Variants in IL1RAPL2 observed in about 807,000 individuals in gnomAD.
IL1RAPL2 encodes the protein interleukin 1 receptor accessory protein like 2, also known as X-linked interleukin-1 receptor accessory protein-like 2.
In IL1RAPL2, 3 loss-of-function variants were observed where a neutral mutation model predicts 44.1. The ratio of observed to expected loss-of-function variants is 0.07; its 90% CI spans 0.03 to 0.18. IL1RAPL2 has a LOEUF of 0.18. Ranked by LOEUF, IL1RAPL2 falls within the 10% of genes least tolerant of loss-of-function variation. The pLI, the probability that IL1RAPL2 is intolerant of heterozygous loss-of-function variation, is 1.00. For missense variants in IL1RAPL2, 391 were observed against 496.4 expected, an observed-to-expected ratio of 0.79 and a Z score of 2.02; for synonymous variants, 181 against 178.8, an observed-to-expected ratio of 1.01 and a Z score of -0.10.
intron 2 of IL1RAPL2, among the ~76,000 whole-genome samples, chrX:104,791,845 C>G (rs1485306539): frequency 1.8e-5 from 2 of 111,094 alleles, no homozygotes; most frequent in East Asian, 2.9e-4. Flanking sequence ...TGTTAAGAAC[C>G]CTATCTCTAC....
intron 4 of IL1RAPL2, among the ~76,000 whole-genome samples, chrX:105,250,759 C>T (rs1045358407): frequency 1.8e-5 from 2 of 110,069 alleles, no homozygotes; most frequent in Non-Finnish European, 3.8e-5. Flanking sequence ...AATGAATATG[C>T]CAGAATTGCC....
chrX:104,661,023 C>T (rs758278519), intron 2 of IL1RAPL2, among the ~76,000 whole-genome samples: 16 of 110,948 alleles, frequency 1.4e-4, no homozygotes, highest in Non-Finnish European at 2.6e-4. Flanking sequence ...AAAAGATCAA[C>T]TTTTCAATGC....
At chrX:105,678,621 T>G (rs1418764602) in intron 6 of IL1RAPL2, among the ~76,000 whole-genome samples, 1 of 110,614 alleles carries the variant, frequency 9.0e-6, no homozygotes, top group Non-Finnish European at 1.9e-5. Context: ...GTTCTTCAGG[T>G]TATGAAGTCT....
At chrX:105,029,702 C>T (rs1165327736) in intron 2 of IL1RAPL2, among the ~76,000 whole-genome samples, 50 of 110,291 alleles carry the variant, frequency 4.5e-4, no homozygotes, top group African/African-American at 1.7e-3. Flanking sequence ...AATAGTGCCG[C>T]AATAAACATA....
intron 2 of IL1RAPL2, among the ~76,000 whole-genome samples, chrX:104,823,357 T>C (rs1921360331): frequency 9.0e-6 from 1 of 111,158 alleles, no homozygotes; most frequent in Admixed American, 9.6e-5. Context: ...GTGTTTGGTT[T>C]TTTGTTCTTG....
chrX:105,539,146 T>C (rs189165841), intron 6 of IL1RAPL2, among the ~76,000 whole-genome samples: 3 of 111,173 alleles, frequency 2.7e-5, no homozygotes, highest in East Asian at 5.7e-4. Context: ...GCTATTCCTA[T>C]CAAACTACCA....
In IL1RAPL2 at chrX:105,271,646, C is replaced by T. The variant is rs749453459; in HGVS notation, c.697+4105C>T. On this transcript the variant is annotated intron_variant, in intron 5 of 10. Coordinates refer to ENST00000372582, the MANE Select transcript of IL1RAPL2 (RefSeq NM_017416.2). ...GTCAAAGGCAGTATGGCCATTTTCA[C>T]GATATTGATTCTTCCTACCCATGAG... is the stretch of plus-strand genomic sequence containing the variant. Among the ~76,000 whole-genome samples the T allele has an allele frequency of 1.6e-4, 18 of 110,311 alleles. No homozygotes were observed. The East Asian group carries it at 4.9e-3, about 30-fold the overall frequency.
chrX:105,520,923 C>CTTTTTTTTTTTT (rs1172515228), intron 6 of IL1RAPL2, among the ~76,000 whole-genome samples: 10 of 52,358 alleles, frequency 1.9e-4, no homozygotes, highest in African/African-American at 2.2e-4. Flanking sequence ...TTCTTTCTTT[C>CTTTTTTTTTTTT]TTTTTTTTTT....
chrX:105,140,831 G>A (rs769723205), intron 2 of IL1RAPL2, among the ~76,000 whole-genome samples: 2 of 112,148 alleles, frequency 1.8e-5, no homozygotes, highest in African/African-American at 6.5e-5. Context: ...AGGGGTATGA[G>A]AAATGGATGT....
intron 5 of IL1RAPL2, among the ~76,000 whole-genome samples, chrX:105,454,734 C>T (rs2036043166): frequency 9.0e-6 from 1 of 111,536 alleles, no homozygotes; most frequent in African/African-American, 3.3e-5. Flanking sequence ...CAACCAGAGG[C>T]CAGGGGCTGA....
intron 5 of IL1RAPL2, among the ~76,000 whole-genome samples, chrX:105,280,301 T>G (rs1257613715): frequency 8.9e-6 from 1 of 111,811 alleles, no homozygotes; most frequent in Non-Finnish European, 1.9e-5. Flanking sequence ...AAGACTTAAA[T>G]GTAAGACCTA....
intron 6 of IL1RAPL2, among the ~76,000 whole-genome samples, chrX:105,558,521 G>A (rs1258108070): frequency 1.8e-5 from 2 of 111,320 alleles, no homozygotes; most frequent in African/African-American, 3.3e-5. Flanking sequence ...GTTCTTTAAG[G>A]CAAGGACCAA....
intron 2 of IL1RAPL2, among the ~76,000 whole-genome samples, chrX:104,719,273 C>T (rs1038524179): frequency 3.6e-5 from 4 of 111,987 alleles, no homozygotes; most frequent in Non-Finnish European, 7.5e-5. Context: ...CTGGCTTATG[C>T]ATATAAATGT....
chrX:104,582,646 T>C (rs866141996), intron 1 of IL1RAPL2, among the ~76,000 whole-genome samples: 18 of 90,678 alleles, frequency 2.0e-4, no homozygotes, highest in Non-Finnish European at 2.8e-4. Flanking sequence ...CTTTCTCTCT[T>C]TCTTTCTTTC....
At chrX:104,687,019 A>G (rs1569297255) in intron 2 of IL1RAPL2, among the ~76,000 whole-genome samples, 1 of 112,184 alleles carries the variant, frequency 8.9e-6, no homozygotes, top group Admixed American at 9.5e-5. Flanking sequence ...TACACGAAAC[A>G]GAAGATTCTA....
chrX:104,611,626 A>G (rs1025882996), intron 1 of IL1RAPL2, among the ~76,000 whole-genome samples: 3 of 110,027 alleles, frequency 2.7e-5, no homozygotes, highest in Admixed American at 9.7e-5. Flanking sequence ...TCACAAGGTC[A>G]GGAGATCCAG....
At chrX:105,678,220 G>A (rs2037890150) in intron 6 of IL1RAPL2, among the ~76,000 whole-genome samples, 1 of 112,162 alleles carries the variant, frequency 8.9e-6, no homozygotes, top group Admixed American at 9.5e-5. Context: ...AAAAAATCTT[G>A]TGAGTACATA....
rs79708337 is a variant in IL1RAPL2 at position 104,797,196 on chromosome X, C to A, written c.82+138201C>A. On this transcript the variant is annotated intron_variant, in intron 2 of 10. Coordinates refer to ENST00000372582, the MANE Select transcript of IL1RAPL2 (RefSeq NM_017416.2). Reference sequence around the variant, plus strand: ...TAATGATCTCTTCAGCCCCCCCCCCCCCCCCGCAAAGTAATGTTTGCTATG... The same window carrying A: ...TAATGATCTCTTCAGCCCCCCCCCCACCCCCGCAAAGTAATGTTTGCTATG... Among the ~76,000 whole-genome samples the A allele has an allele frequency of 2.1e-3, 83 of 39,333 alleles. 10 individuals carry two copies. The highest frequency in any genetic ancestry group is 3.0e-3 in the Non-Finnish European group (60 of 20,116). 34.2% of individuals were successfully genotyped at this position (39,333 alleles called of 115,157 possible). A position where few individuals can be genotyped will look rare whatever the true frequency, so the allele number is the denominator to read the frequency against.
chrX:105,378,188 GA>G (rs2035402521), intron 5 of IL1RAPL2, among the ~76,000 whole-genome samples: 1 of 111,284 alleles, frequency 9.0e-6, no homozygotes, highest in African/African-American at 3.3e-5. Context: ...AAGCAAAGGA[GA>G]AAAAAATAGC....
Sources: allele counts gnomAD v4.1 joint callset (sites outside exome capture counted in the v4.1 genomes callset), GRCh38; gene constraint gnomAD v4.1.1; transcripts MANE v1.5; gene names NCBI Gene and HGNC (gene_info 2026-07-23, HGNC 2026-07-21).